RABGAP1L: variants seen among roughly 807,000 people sequenced by gnomAD.
The protein encoded by RABGAP1L is RAB GTPase activating protein 1 like.
A neutral mutation model predicts 137.7 loss-of-function variants in RABGAP1L; 63 were observed. The ratio of observed to expected loss-of-function variants is 0.46; its 90% confidence interval spans 0.37 to 0.56. The LOEUF (loss-of-function observed/expected upper bound fraction) is 0.56, where lower values mean the gene tolerates loss of function less well. RABGAP1L is among the 20% of genes least tolerant of loss of function. The pLI, the probability that RABGAP1L is intolerant of heterozygous loss-of-function variation, is 0.00. For synonymous variants in RABGAP1L, 431 were observed against 433.7 expected, an observed-to-expected ratio of 0.99 and a Z score of 0.08; for missense variants, 1,095 against 1,244.0, an observed-to-expected ratio of 0.88 and a Z score of 1.80.
intron 19 of RABGAP1L, among the ~76,000 whole-genome samples, chr1:174,843,402 A>G (rs919920474): frequency 6.9e-6 from 1 of 144,454 alleles, no homozygotes; most frequent in African/African-American, 2.6e-5. Flanking sequence ...AACAGTCCCC[A>G]GAGTGTGATA....
chr1:174,596,129 C>T (rs1448919380), intron 13 of RABGAP1L, among the ~76,000 whole-genome samples: 20 of 136,102 alleles, frequency 1.5e-4, no homozygotes, highest in Admixed American at 6.5e-4. Context: ...CAGGTGCGTC[C>T]GTCACCCCTT....
chr1:174,304,066 T>A (rs576340857), intron 10 of RABGAP1L, among the ~76,000 whole-genome samples: 1 of 152,288 alleles, frequency 6.6e-6, no homozygotes, highest in Admixed American at 6.5e-5. Context: ...TAGATACTCT[T>A]TATCAGGTTG....
chr1:174,195,769 CTCTT>C (rs1258850736), intron 1 of RABGAP1L, among the ~76,000 whole-genome samples: 4 of 104,608 alleles, frequency 3.8e-5, no homozygotes, highest in African/African-American at 3.6e-5. Context: ...CTCTCTTTCT[CTCTT>C]TCCTTTCTTT....
At chr1:174,849,301 A>G (rs1466867649) in intron 19 of RABGAP1L, among the ~76,000 whole-genome samples, 1 of 152,168 alleles carries the variant, frequency 6.6e-6, no homozygotes, top group African/African-American at 2.4e-5. Flanking sequence ...ACATATGAAG[A>G]ATGAACTAAA....
Position 174,425,054 on chromosome 1 carries a change from T to C in RABGAP1L, c.1710+30909T>C, listed in dbSNP as rs997741304. 1.6e-4 allele frequency among the ~76,000 whole-genome samples: 24 copies of C among 152,174 alleles called. 1 individual carries two copies. The highest frequency in any genetic ancestry group is 8.5e-4 in the Admixed American group (13 of 15,280). The stretch of plus-strand genomic sequence containing the variant: ...GAACATTATTATATACAAAATACTA[T>C]TTGAGATGTGTATATCATAAACTAT... On this transcript the variant is annotated intron_variant, in intron 13 of 25. Coordinates refer to ENST00000681986, the MANE Select transcript of RABGAP1L (RefSeq NM_001366446.1).
At chr1:174,162,051 A>G (rs1249545675) in intron 1 of RABGAP1L, among the ~76,000 whole-genome samples, 1 of 143,976 alleles carries the variant, frequency 6.9e-6, no homozygotes, top group Non-Finnish European at 1.5e-5. Flanking sequence ...TTTTTTTTTC[A>G]CCTGAGTTAT....
intron 13 of RABGAP1L, among the ~76,000 whole-genome samples, chr1:174,420,655 C>G (rs887155175): frequency 2.7e-5 from 4 of 149,892 alleles, no homozygotes; most frequent in Non-Finnish European, 5.9e-5. Flanking sequence ...TTTGAGTATC[C>G]AGTGTGGATT....
intron 13 of RABGAP1L, among the ~76,000 whole-genome samples, chr1:174,506,152 A>G (rs991059030): frequency 3.3e-5 from 5 of 152,228 alleles, no homozygotes; most frequent in Non-Finnish European, 5.9e-5. Flanking sequence ...GATTGGGAAG[A>G]TGTTGGTCAA....
intron 11 of RABGAP1L, among the ~76,000 whole-genome samples, chr1:174,345,615 T>C (rs1682361683): frequency 6.6e-6 from 1 of 152,212 alleles, no homozygotes; most frequent in Admixed American, 6.5e-5. Flanking sequence ...TGCATTTTAC[T>C]GAATTTATCA....
chr1:174,354,625 A>G (rs927866266), intron 11 of RABGAP1L, among the ~76,000 whole-genome samples: 2 of 152,108 alleles, frequency 1.3e-5, no homozygotes, highest in African/African-American at 4.8e-5. Context: ...GTTCACTCTG[A>G]TGGTAGTTTC....
At chr1:174,809,765 G>A (rs1689685821) in intron 18 of RABGAP1L, among the ~76,000 whole-genome samples, 4 of 152,208 alleles carry the variant, frequency 2.6e-5, no homozygotes. Context: ...TATTACATGT[G>A]AAAAACGAAG....
chr1:174,848,970 G>T (rs990246685), intron 19 of RABGAP1L, among the ~76,000 whole-genome samples: 7 of 151,936 alleles, frequency 4.6e-5, no homozygotes, highest in African/African-American at 1.7e-4. Context: ...CGCAATATTC[G>T]GGTGGGAGTG....
intron 13 of RABGAP1L, among the ~76,000 whole-genome samples, chr1:174,428,568 C>G (rs1363419124): frequency 6.6e-6 from 1 of 152,094 alleles, no homozygotes; most frequent in Non-Finnish European, 1.5e-5. Context: ...TGTTCTTTAG[C>G]TTTGCCTTCA....
intron 13 of RABGAP1L, among the ~76,000 whole-genome samples, chr1:174,577,722 TGAAAGA>T (rs1668482559): frequency 6.6e-6 from 1 of 152,228 alleles, no homozygotes; most frequent in Non-Finnish European, 1.5e-5. Context: ...CATAAGACTC[TGAAAGA>T]GATTTATAAA....
chr1:174,184,976 G>A (rs77550415), intron 1 of RABGAP1L, among the ~76,000 whole-genome samples: 4,340 of 152,280 alleles, frequency 0.029, 96 homozygotes, highest in Non-Finnish European at 0.046. Context: ...AGTGGTGTGG[G>A]AGGTGTTTCT....
At chr1:174,475,400 T>A (rs1258256029) in intron 13 of RABGAP1L, among the ~76,000 whole-genome samples, 1 of 152,146 alleles carries the variant, frequency 6.6e-6, no homozygotes, top group Admixed American at 6.6e-5. Context: ...TTTAAGGTAG[T>A]TAACAATAAT....
chr1:174,161,376 G>T (rs1313305201), intron 1 of RABGAP1L, among the ~76,000 whole-genome samples: 1 of 152,016 alleles, frequency 6.6e-6, no homozygotes, highest in East Asian at 1.9e-4. Context: ...TTGTGTAGCT[G>T]GGACTACAGG....
rs1672237832 is a variant in RABGAP1L at position 174,994,245 on chromosome 1, G to A, written c.*4244G>A. Reference sequence around the variant, plus strand: ...TTCAACCTTGGCTGCACCTCAATAGGAGATGCTGATCTTGAGTTGTAATGA... The same window carrying A: ...TTCAACCTTGGCTGCACCTCAATAGAAGATGCTGATCTTGAGTTGTAATGA... On this transcript the variant is annotated 3_prime_UTR_variant, in exon 26 of 26. Transcript: ENST00000681986. 1 of 150,538 alleles carries A rather than the reference G, an allele frequency of 6.6e-6. No individual in the cohort carries two copies. The highest frequency in any genetic ancestry group is 2.5e-5 in the African/African-American group (1 of 39,804). The allele number at this position is 150,538 out of a possible 1,614,324, so 9.3% of individuals were successfully genotyped here.
At chr1:174,467,400 T>TA (rs532821147) in intron 13 of RABGAP1L, among the ~76,000 whole-genome samples, 7,154 of 143,768 alleles carry the variant, frequency 0.05, 531 homozygotes, top group African/African-American at 0.16. Context: ...TGAGCCTAGT[T>TA]AAAAAAAAAA....
Sources: allele counts gnomAD v4.1 joint callset (sites outside exome capture counted in the v4.1 genomes callset), GRCh38; gene constraint gnomAD v4.1.1; transcripts MANE v1.5; gene names NCBI Gene and HGNC (gene_info 2026-07-23, HGNC 2026-07-21).